The following ATXN7L1 variants were observed in gnomAD, a reference collection of about 807,000 sequenced individuals.
ATXN7L1 encodes the protein ataxin-7-like protein 1.
Under a neutral mutation model 70.8 loss-of-function variants are expected in ATXN7L1, and 15 were observed. The observed-to-expected ratio is 0.21, with a 90% confidence interval of 0.14 to 0.33. The LOEUF is 0.33. Among genes scored for constraint, ATXN7L1 ranks in the 10% least tolerant of loss-of-function variants. The pLI, the probability that ATXN7L1 is intolerant of heterozygous loss-of-function variation, is 1.00. For synonymous variants in ATXN7L1, 440 were observed against 445.1 expected (o/e 0.99, Z 0.14); for missense variants, 975 against 1,097.1 (o/e 0.89, Z 1.57).
chr7:105,816,785 GC>G (rs1404706034), intron 2 of ATXN7L1, among the ~76,000 whole-genome samples: 2 of 152,262 alleles, frequency 1.3e-5, no homozygotes, highest in African/African-American at 4.8e-5. Flanking sequence ...AGTTCTCTAA[GC>G]CAAGAACCCT....
At chr7:105,799,632 G>C (rs998552972) in intron 2 of ATXN7L1, among the ~76,000 whole-genome samples, 2 of 152,106 alleles carry the variant, frequency 1.3e-5, no homozygotes, top group African/African-American at 4.8e-5. Flanking sequence ...AACGCCTTTA[G>C]TCAAGGCTAT....
intron 2 of ATXN7L1, among the ~76,000 whole-genome samples, chr7:105,821,081 C>T (rs370792134): frequency 1.3e-5 from 2 of 152,078 alleles, no homozygotes; most frequent in East Asian, 3.9e-4. Context: ...CTCTTGTTGC[C>T]CAGGCTGGAG....
intron 3 of ATXN7L1, among the ~76,000 whole-genome samples, chr7:105,677,102 A>G (rs1180428933): frequency 6.6e-6 from 1 of 152,162 alleles, no homozygotes; most frequent in Non-Finnish European, 1.5e-5. Context: ...ACATCAGAGA[A>G]CACACAGTGC....
chr7:105,658,512 G>A (rs1405864504), intron 4 of ATXN7L1, among the ~76,000 whole-genome samples: 1 of 146,634 alleles, frequency 6.8e-6, no homozygotes, highest in African/African-American at 2.5e-5. Flanking sequence ...ACGCTGTTAT[G>A]TGGCACATAA....
rs561100060 is a variant in ATXN7L1 at position 105,641,214 on chromosome 7, C to CTTTTTTTT, written c.862+1616_862+1623dup. Among the ~76,000 whole-genome samples the CTTTTTTTT allele has an allele frequency of 3.4e-3, 75 of 21,794 alleles. 5 individuals carry two copies. The highest frequency in any genetic ancestry group is 7.4e-3 in the African/African-American group (45 of 6,052). 14.3% of individuals were successfully genotyped at this position (21,794 alleles called of 152,430 possible). ...GCCTTTTCTCTCTCTCTCTCTCTCT[C>CTTTTTTTT]TTTTTTTTTTTTTTTTTTTTTTTTT... On this transcript the variant is annotated intron_variant, in intron 5 of 11. Transcript: ENST00000419735.
At chr7:105,671,843 T>C (rs1393318364) in intron 3 of ATXN7L1, among the ~76,000 whole-genome samples, 1 of 130,768 alleles carries the variant, frequency 7.6e-6, no homozygotes, top group East Asian at 2.1e-4. Flanking sequence ...TGAGCTGAGA[T>C]TGTTCCACTG....
intron 3 of ATXN7L1, among the ~76,000 whole-genome samples, chr7:105,753,829 T>C (rs371524862): frequency 6.6e-6 from 1 of 152,248 alleles, no homozygotes; most frequent in East Asian, 1.9e-4. Context: ...GAGTTTTCTC[T>C]TTCAGAATCA....
At chr7:105,830,581 A>G (rs974634082) in intron 2 of ATXN7L1, among the ~76,000 whole-genome samples, 3 of 152,282 alleles carry the variant, frequency 2.0e-5, no homozygotes, top group Non-Finnish European at 1.5e-5. Flanking sequence ...AAAACAGTAA[A>G]TCAAAAGCAA....
intron 4 of ATXN7L1, 92 bp downstream of exon 4, chr7:105,664,974 G>C: frequency 7.7e-7 from 1 of 1,299,446 alleles, no homozygotes; most frequent in Non-Finnish European, 1.1e-6. Flanking sequence ...GTGACACCTA[G>C]GAACAAAGCC....
intron 2 of ATXN7L1, among the ~76,000 whole-genome samples, chr7:105,821,601 T>G (rs2116566505): frequency 6.6e-6 from 1 of 152,298 alleles, no homozygotes; most frequent in South Asian, 2.1e-4. Context: ...ATTTGATAGG[T>G]GGAAGAGTAG....
In ATXN7L1 at chr7:105,614,158, G is replaced by T; in HGVS notation, c.2176C>A (p.Pro726Thr). The T allele has an allele frequency of 1.3e-6, 2 of 1,551,646 alleles. No homozygotes were observed. The highest frequency in any genetic ancestry group is 1.7e-6 in the Non-Finnish European group (2 of 1,147,006). ...PSGRTSLPGGPADIVRQVGAV... is the reference protein window; with the variant it reads ...PSGRTSLPGGTADIVRQVGAV... ...CCCACCTGTCTCACTATGTCCGCGGGGCCGCCGGGCAGCGAGGTCCGTCCT... is the reference window on the plus strand; with the variant it reads ...CCCACCTGTCTCACTATGTCCGCGGTGCCGCCGGGCAGCGAGGTCCGTCCT... Residue 726 changes from proline to threonine, a missense_variant, in exon 10 of 12, where the codon CCC becomes ACC. By Grantham distance (38) the Pro-to-Thr change is conservative. Transcript: ENST00000419735. This position sits in a 1 kb window ranked among gnomAD's most constrained non-coding sequence, Gnocchi z 4.3.
chr7:105,679,790 G>A (rs569260335), intron 3 of ATXN7L1, among the ~76,000 whole-genome samples: 5 of 152,018 alleles, frequency 3.3e-5, no homozygotes, highest in South Asian at 2.1e-4. Context: ...AAAAGAAGGC[G>A]GGGGGAGTGA....
At chr7:105,835,793 G>C (rs1047618891) in intron 2 of ATXN7L1, among the ~76,000 whole-genome samples, 1 of 152,048 alleles carries the variant, frequency 6.6e-6, no homozygotes, top group African/African-American at 2.4e-5. Context: ...CCTATTAACA[G>C]AAATACTGAA....
At chr7:105,818,401 C>T (rs1809522279) in intron 2 of ATXN7L1, among the ~76,000 whole-genome samples, 1 of 152,192 alleles carries the variant, frequency 6.6e-6, no homozygotes, top group Admixed American at 6.5e-5. Context: ...TGGGATCCTC[C>T]CACCTCGGCC....
intron 3 of ATXN7L1, among the ~76,000 whole-genome samples, chr7:105,764,267 T>C (rs1475836961): frequency 1.3e-5 from 2 of 151,242 alleles, no homozygotes; most frequent in Non-Finnish European, 2.9e-5. Flanking sequence ...CAGAGATAGA[T>C]GTCAATTTTC....
chr7:105,867,407 A>G (rs1404635572), intron 2 of ATXN7L1, among the ~76,000 whole-genome samples: 1 of 152,206 alleles, frequency 6.6e-6, no homozygotes, highest in Non-Finnish European at 1.5e-5. Context: ...GCCACTGTAT[A>G]ATAAATGCCA....
intron 3 of ATXN7L1, among the ~76,000 whole-genome samples, chr7:105,776,091 C>A (rs1013239099): frequency 2.0e-5 from 3 of 152,190 alleles, no homozygotes; most frequent in African/African-American, 7.2e-5. Context: ...GCGCTGCTAA[C>A]ATTCTTTACT....
chr7:105,678,752 A>T (rs973991302), intron 3 of ATXN7L1, among the ~76,000 whole-genome samples: 1 of 151,498 alleles, frequency 6.6e-6, no homozygotes. Flanking sequence ...TTTCCACTCC[A>T]CTCCTTCTCA....
intron 3 of ATXN7L1, among the ~76,000 whole-genome samples, chr7:105,781,577 C>G (rs2116464510): frequency 6.6e-6 from 1 of 152,306 alleles, no homozygotes; most frequent in South Asian, 2.1e-4. Context: ...ATCTCCTTTT[C>G]CACAGTAATC....
Sources: allele counts gnomAD v4.1 joint callset (sites outside exome capture counted in the v4.1 genomes callset), GRCh38; gene constraint gnomAD v4.1.1; non-coding constraint Gnocchi (gnomAD v3.1); transcripts MANE v1.5; gene names NCBI Gene and HGNC (gene_info 2026-07-23, HGNC 2026-07-21).